Variants in PRKN observed in about 807,000 individuals in gnomAD.
PRKN encodes the protein parkin RBR E3 ubiquitin protein ligase, also known as E3 ubiquitin-protein ligase parkin.
In PRKN, 56 loss-of-function variants were observed where a neutral mutation model predicts 59.5. The observed-to-expected ratio is 0.94, with a 90% CI of 0.76 to 1.18. The LOEUF (loss-of-function observed/expected upper bound fraction) is 1.18. Ranked by LOEUF, PRKN falls within the 50% of genes most tolerant of loss-of-function variation. PRKN has a pLI of 0.00. For missense variants in PRKN, 657 were observed against 596.4 expected (o/e 1.10, Z -1.06); for synonymous variants, 250 against 222.1 (o/e 1.13, Z -1.12).
At chr6:162,491,094 ACT>A (rs1792790015) in intron 1 of PRKN, among the ~76,000 whole-genome samples, 1 of 144,544 alleles carries the variant, frequency 6.9e-6, no homozygotes, top group African/African-American at 2.6e-5. Context: ...CAAGAGTGAA[ACT>A]CTGTCTCAGA....
rs71004079 is a variant in PRKN at position 162,096,848 on chromosome 6, A to ATTTTTTTTT, written c.535-42683_535-42675dup. Among the ~76,000 whole-genome samples, 34 of 49,212 alleles carry ATTTTTTTTT rather than the reference A, an allele frequency of 6.9e-4. 3 individuals are homozygous for ATTTTTTTTT. Among genetic ancestry groups the ATTTTTTTTT allele is most frequent in the African/African-American group, 1.7e-3 (19 of 11,244 alleles). The allele number at this position is 49,212 out of a possible 152,430, so 32.3% of individuals were successfully genotyped here. ...GTGAGAATGGACTCATACAGCTGGA[A>ATTTTTTTTT]TTTTTTTTTTTTTTTTTTTTTTTTT... On this transcript the variant is annotated intron_variant, in intron 4 of 11. Coordinates refer to ENST00000366898, the MANE Select transcript of PRKN (RefSeq NM_004562.3).
chr6:161,361,865 A>G lies in PRKN; in HGVS notation c.1168-1660T>C, dbSNP rs1345779037. Among the ~76,000 whole-genome samples the G allele has an allele frequency of 6.6e-6, 1 of 152,134 alleles. No homozygotes were observed. The highest frequency in any genetic ancestry group is 2.4e-5 in the African/African-American group (1 of 41,404). The stretch of plus-strand genomic sequence containing the variant: ...GAGGGCGCTGTGGTTAGTGAGGGCC[A>G]TTTCACAACTTGGTAACTAGGTATG... On this transcript the variant is annotated intron_variant, in intron 10 of 11. Coordinates refer to ENST00000366898, the MANE Select transcript of PRKN (RefSeq NM_004562.3). This position sits in a 1 kb window ranked among gnomAD's most constrained non-coding sequence, Gnocchi z 5.2.
At chr6:162,727,529 G>C in intron 1 of PRKN, 133 bp downstream of exon 1, 1 of 1,024,922 alleles carries the variant, frequency 9.8e-7, no homozygotes, top group Non-Finnish European at 1.4e-6. Flanking sequence ...GCGCGGGCCG[G>C]GGACGGCACG....
intron 5 of PRKN, among the ~76,000 whole-genome samples, chr6:161,991,090 G>A (rs1028426479): frequency 1.2e-4 from 18 of 152,106 alleles, no homozygotes; most frequent in African/African-American, 4.3e-4. Flanking sequence ...GAGAGAATAG[G>A]ATGATATAGA....
At chr6:161,431,455 A>G (rs895025851) in intron 9 of PRKN, among the ~76,000 whole-genome samples, 2 of 152,160 alleles carry the variant, frequency 1.3e-5, no homozygotes, top group South Asian at 2.1e-4. Context: ...TTATTAAATC[A>G]TATCATAAAA....
intron 6 of PRKN, among the ~76,000 whole-genome samples, chr6:161,796,662 C>T (rs1222319369): frequency 1.3e-5 from 2 of 152,146 alleles, no homozygotes; most frequent in East Asian, 1.9e-4. Context: ...CTCAAAATTA[C>T]GTTTATAATA....
intron 5 of PRKN, among the ~76,000 whole-genome samples, chr6:162,010,335 T>A (rs1250304221): frequency 1.7e-5 from 2 of 119,376 alleles, no homozygotes; most frequent in Non-Finnish European, 3.4e-5. Context: ...TAATATATAA[T>A]ATATAAATAA....
intron 2 of PRKN, among the ~76,000 whole-genome samples, chr6:162,436,340 CT>C (rs201920542): frequency 0.13 from 18,662 of 144,090 alleles, 1,587 homozygotes; most frequent in African/African-American, 0.26. Flanking sequence ...CATCTGTTTC[CT>C]TTTTTTTTTT....
At chr6:162,673,666 G>A (rs1248812223) in intron 1 of PRKN, among the ~76,000 whole-genome samples, 2 of 152,142 alleles carry the variant, frequency 1.3e-5, no homozygotes, top group African/African-American at 2.4e-5. Context: ...GATTACAGGC[G>A]TGAGCCAACA....
At chr6:162,682,196 G>A (rs1435726389) in intron 1 of PRKN, among the ~76,000 whole-genome samples, 4 of 152,080 alleles carry the variant, frequency 2.6e-5, no homozygotes, top group South Asian at 2.1e-4. Flanking sequence ...TTGGATTGCA[G>A]CAGTGAAAAC....
intron 1 of PRKN, among the ~76,000 whole-genome samples, chr6:162,540,323 G>C (rs113440080): frequency 0.023 from 3,573 of 152,072 alleles, 155 homozygotes; most frequent in African/African-American, 0.08. Context: ...TCTGCCTCAC[G>C]GGTTCAAGCA....
At chr6:161,351,080 T>C (rs1188821981) in intron 11 of PRKN, among the ~76,000 whole-genome samples, 1 of 111,656 alleles carries the variant, frequency 9.0e-6, no homozygotes, top group East Asian at 2.4e-4. Context: ...AAAATATATA[T>C]AAATATATTT....
chr6:162,146,248 T>C (rs1350599410), intron 4 of PRKN, among the ~76,000 whole-genome samples: 4 of 152,088 alleles, frequency 2.6e-5, no homozygotes, highest in South Asian at 2.1e-4. Flanking sequence ...CCCATGACGA[T>C]GTCATTGAAC....
intron 4 of PRKN, among the ~76,000 whole-genome samples, chr6:162,170,363 G>T (rs984634707): frequency 6.6e-6 from 1 of 152,134 alleles, no homozygotes; most frequent in Non-Finnish European, 1.5e-5. Context: ...AAGTTCACTT[G>T]AGCAGCATTT....
chr6:162,241,178 T>A (rs566113220), intron 3 of PRKN, among the ~76,000 whole-genome samples: 23 of 152,330 alleles, frequency 1.5e-4, no homozygotes, highest in African/African-American at 5.5e-4. Context: ...ACTGTTATCA[T>A]CATCATTATT....
rs1468480782 is a variant in PRKN at position 161,405,716 on chromosome 6, C to T, written c.1084-18839G>A. ...GAGAAAGGGAAGGGAAACTGAGGGTCCATGAGTGCTCACAGCCAGGCAGGC... is the reference window on the plus strand; with the variant it reads ...GAGAAAGGGAAGGGAAACTGAGGGTTCATGAGTGCTCACAGCCAGGCAGGC... On this transcript the variant is annotated intron_variant, in intron 9 of 11. Transcript: ENST00000366898. The surrounding 1 kb of genome is among the most constrained non-coding windows in gnomAD (Gnocchi z 5.1). Among the ~76,000 whole-genome samples, 2 of 152,038 alleles carry T rather than the reference C, an allele frequency of 1.3e-5. No homozygotes were observed. The highest frequency in any genetic ancestry group is 4.8e-5 in the African/African-American group (2 of 41,394).
chr6:161,950,712 T>TACAG (rs1393536638), intron 6 of PRKN, among the ~76,000 whole-genome samples: 5 of 152,168 alleles, frequency 3.3e-5, no homozygotes, highest in African/African-American at 1.2e-4. Context: ...GAATGGGACC[T>TACAG]ACAGACTGGT....
At chr6:161,553,235 G>A (rs1276084091) in intron 8 of PRKN, among the ~76,000 whole-genome samples, 4 of 151,726 alleles carry the variant, frequency 2.6e-5, no homozygotes, top group African/African-American at 9.7e-5. Flanking sequence ...TCTTCATTTT[G>A]CTGATTGTAT....
At position 162,119,514 on chromosome 6, in the gene PRKN, CAGG is replaced by C. The variant is rs201584826; in HGVS notation, c.535-65343_535-65341del. Among the ~76,000 whole-genome samples, 723 of 152,282 alleles carry C rather than the reference CAGG, an allele frequency of 4.7e-3. 5 individuals are homozygous for C. The highest frequency in any genetic ancestry group is 0.016 in the African/African-American group (674 of 41,550). On this transcript the variant is annotated intron_variant, in intron 4 of 11. Coordinates refer to ENST00000366898, the MANE Select transcript of PRKN (RefSeq NM_004562.3). ...CAACAGGAGGCAGGAATTCACAATG[CAGG>C]AGAAGAGGCAAGGGAACTTCCTTAT...
Sources: allele counts gnomAD v4.1 joint callset (sites outside exome capture counted in the v4.1 genomes callset), GRCh38; gene constraint gnomAD v4.1.1; non-coding constraint Gnocchi (gnomAD v3.1); transcripts MANE v1.5; gene names NCBI Gene and HGNC (gene_info 2026-07-23, HGNC 2026-07-21).